NGF: variants seen among roughly 807,000 people sequenced by gnomAD.
NGF encodes the protein nerve growth factor.
In NGF, 4 loss-of-function variants were observed where a neutral mutation model predicts 12.8. The ratio of observed to expected loss-of-function variants is 0.31; its 90% confidence interval spans 0.15 to 0.72. The LOEUF (loss-of-function observed/expected upper bound fraction) is 0.72, where lower values mean the gene tolerates loss of function less well. Ranked by LOEUF, NGF falls within the 30% of genes least tolerant of loss-of-function variation. The probability of loss-of-function intolerance (pLI) is 0.69; values close to 1 mark genes in which losing one functional copy is unlikely to be tolerated. For missense variants in NGF, 283 were observed against 330.8 expected, an observed-to-expected ratio of 0.86 and a Z score of 1.12; for synonymous variants, 140 against 130.0, an observed-to-expected ratio of 1.08 and a Z score of -0.52.
At chr1:115,309,773 A>C (rs1654293333) in intron 1 of NGF, among the ~76,000 whole-genome samples, 1 of 152,248 alleles carries the variant, frequency 6.6e-6, no homozygotes, top group Non-Finnish European at 1.5e-5. Context: ...ACATAGATGA[A>C]GCTGAAAACC....
chr1:115,304,368 T>C (rs1262246811), intron 1 of NGF, among the ~76,000 whole-genome samples: 1 of 143,110 alleles, frequency 7.0e-6, no homozygotes, highest in Non-Finnish European at 1.5e-5. Flanking sequence ...GAGATGAGGT[T>C]TCACCATGTT....
intron 1 of NGF, among the ~76,000 whole-genome samples, chr1:115,319,750 G>C (rs546758497): frequency 2.6e-5 from 4 of 152,284 alleles, no homozygotes; most frequent in Non-Finnish European, 5.9e-5. Flanking sequence ...TGGGCACCCA[G>C]CCCTCGTTCT....
chr1:115,299,358 G>A (rs1362937396), intron 1 of NGF, among the ~76,000 whole-genome samples: 1 of 152,174 alleles, frequency 6.6e-6, no homozygotes. Flanking sequence ...TCAGACAGCT[G>A]TAGGTAGGAA....
intron 1 of NGF, among the ~76,000 whole-genome samples, chr1:115,333,433 T>C (rs1654978383): frequency 2.7e-5 from 4 of 147,392 alleles, no homozygotes. Flanking sequence ...AACATCTCAA[T>C]CTGCTTAGCC....
intron 1 of NGF, among the ~76,000 whole-genome samples, chr1:115,333,417 T>C (rs531487286): frequency 6.9e-6 from 1 of 144,958 alleles, no homozygotes; most frequent in East Asian, 2.1e-4. Context: ...GTGCCAAAAG[T>C]GCCAAAACAT....
chr1:115,288,794 T>G (rs1167572614), intron 2 of NGF, among the ~76,000 whole-genome samples: 2 of 152,192 alleles, frequency 1.3e-5, no homozygotes. Context: ...TTAAGGAGAA[T>G]GAATGAAAGA....
intron 1 of NGF, among the ~76,000 whole-genome samples, chr1:115,319,103 G>A (rs1051202542): frequency 6.6e-6 from 1 of 152,236 alleles, no homozygotes; most frequent in Admixed American, 6.5e-5. Context: ...GTAAGTGGTT[G>A]CGTTCCACAG....
Position 115,286,594 on chromosome 1 carries a change from G to C in NGF, c.202C>G (p.Arg68Gly), listed in dbSNP as rs572066909. The C allele has an allele frequency of 6.2e-7, 1 of 1,614,206 alleles. No individual in the cohort carries two copies. Among genetic ancestry groups the C allele is most frequent in the Non-Finnish European group, 8.5e-7 (1 of 1,180,042 alleles). The change falls in exon 3 of 3, where the codon CGC (arginine) becomes GGC (glycine). Residue 68 changes from arginine (R) to glycine (G), a missense_variant. Around this residue, in one of 2 missense-constraint regions of NGF, gnomAD observed 151 missense variants for 141.6 expected, o/e 1.07. Transcript: ENST00000369512. ...AIAARVAGQT[R>G]NITVDPRLFK... ...AGCCTGGGGTCCACAGTAATGTTGC[G>C]GGTCTGCCCCGCCACGCGTGCAGCT...
Position 115,305,804 on chromosome 1 carries a change from C to T in NGF, c.-136-12054G>A, listed in dbSNP as rs115931439. On this transcript the variant is annotated intron_variant, in intron 1 of 2. Transcript: ENST00000369512. The stretch of plus-strand genomic sequence containing the variant: ...TTTATAGAAATAGAATGTGGCTATT[C>T]TATTTAATTTTATGCATTTTGGATA... Among the ~76,000 whole-genome samples the T allele has an allele frequency of 3.2e-3, 493 of 152,194 alleles. 2 individuals carry two copies. The highest frequency in any genetic ancestry group is 0.011 in the African/African-American group (463 of 41,514).
At chr1:115,311,144 A>G (rs1012999488) in intron 1 of NGF, among the ~76,000 whole-genome samples, 2 of 152,208 alleles carry the variant, frequency 1.3e-5, no homozygotes, top group African/African-American at 4.8e-5. Context: ...ATTGATTTTC[A>G]TTCTCTGGGA....
chr1:115,324,146 G>A (rs1654704442), intron 1 of NGF, among the ~76,000 whole-genome samples: 1 of 152,176 alleles, frequency 6.6e-6, no homozygotes. Flanking sequence ...GCTAAGCACT[G>A]TTACATGTGG....
At chr1:115,316,806 T>G (rs28461336) in intron 1 of NGF, among the ~76,000 whole-genome samples, 1,792 of 152,292 alleles carry the variant, frequency 0.012, 47 homozygotes, top group African/African-American at 0.04. Flanking sequence ...TATTGCATAT[T>G]AAAAAAGAAT....
intron 1 of NGF, among the ~76,000 whole-genome samples, chr1:115,335,206 T>G (rs1181872404): frequency 6.6e-6 from 1 of 152,240 alleles, no homozygotes; most frequent in African/African-American, 2.4e-5. Flanking sequence ...GACGTTTCTA[T>G]GCTTCTGCAC....
At position 115,288,451 on chromosome 1, in the gene NGF, T is replaced by G. The variant is rs529628397; in HGVS notation, c.-12-1644A>C. ...CACAAAATTTGTGTAAATCATGAGT[T>G]ATTTCTGTCTCCTTGTGGTCAAGGA... is the stretch of plus-strand genomic sequence containing the variant. On this transcript the variant is annotated intron_variant, in intron 2 of 2. Transcript: ENST00000369512. Among the ~76,000 whole-genome samples, 35 of 152,322 alleles carry G rather than the reference T, an allele frequency of 2.3e-4. No homozygotes were observed. In the Middle Eastern group the frequency reaches 0.01, roughly 44 times the overall value.
chr1:115,328,870 C>A (rs1654839559), intron 1 of NGF, among the ~76,000 whole-genome samples: 1 of 152,132 alleles, frequency 6.6e-6, no homozygotes. Flanking sequence ...AGAAAGATGG[C>A]TTTGCAAGCA....
chr1:115,309,586 C>T (rs1654288658), intron 1 of NGF, among the ~76,000 whole-genome samples: 1 of 152,144 alleles, frequency 6.6e-6, no homozygotes, highest in African/African-American at 2.4e-5. Context: ...GCTCCTGACT[C>T]CCTGAAAGGC....
chr1:115,336,595 A>G (rs572158190), intron 1 of NGF, among the ~76,000 whole-genome samples: 3 of 152,338 alleles, frequency 2.0e-5, no homozygotes, highest in African/African-American at 7.2e-5. Context: ...TCAACAAAAG[A>G]GACCCATCAG....
At chr1:115,289,024 G>A (rs995179750) in intron 2 of NGF, among the ~76,000 whole-genome samples, 7 of 152,120 alleles carry the variant, frequency 4.6e-5, no homozygotes, top group African/African-American at 1.7e-4. Context: ...TTTCTCTTTG[G>A]TTTCTTTGAA....
chr1:115,292,979 G>A (rs1257583421), intron 2 of NGF, among the ~76,000 whole-genome samples: 1 of 151,838 alleles, frequency 6.6e-6, no homozygotes, highest in Admixed American at 6.6e-5. Context: ...ACATTAATGG[G>A]AACCAAATCT....
Sources: allele counts gnomAD v4.1 joint callset (sites outside exome capture counted in the v4.1 genomes callset), GRCh38; gene constraint gnomAD v4.1.1; regional missense constraint gnomAD v4.1.1; transcripts MANE v1.5; gene names NCBI Gene and HGNC (gene_info 2026-07-23, HGNC 2026-07-21).